The following PRKCE variants were observed in gnomAD, a reference collection of about 807,000 sequenced individuals.
PRKCE encodes protein kinase C epsilon type.
Under a neutral mutation model 85.4 loss-of-function variants are expected in PRKCE, and 16 were observed. The ratio of observed to expected loss-of-function variants is 0.19; its 90% CI spans 0.13 to 0.28. The LOEUF is 0.28. Ranked by LOEUF, PRKCE falls within the 10% of genes least tolerant of loss-of-function variation. PRKCE has a pLI of 1.00. For missense variants in PRKCE, 573 were observed against 975.2 expected (o/e 0.59, Z 5.49); for synonymous variants, 388 against 371.5 (o/e 1.04, Z -0.51).
At chr2:46,087,426 A>G (rs536251731) in intron 11 of PRKCE, among the ~76,000 whole-genome samples, 1 of 152,238 alleles carries the variant, frequency 6.6e-6, no homozygotes, top group South Asian at 2.1e-4. Flanking sequence ...GAATGTGTGA[A>G]CGTTACTGAC....
At chr2:45,657,692 T>G (rs1042131513) in intron 1 of PRKCE, among the ~76,000 whole-genome samples, 1 of 152,202 alleles carries the variant, frequency 6.6e-6, no homozygotes, top group Non-Finnish European at 1.5e-5. Context: ...CATTTCTGGT[T>G]TGTATTTCCC....
At chr2:45,830,499 GTAAGAGACA>G (rs1432321145) in intron 1 of PRKCE, among the ~76,000 whole-genome samples, 4 of 152,214 alleles carry the variant, frequency 2.6e-5, no homozygotes, top group African/African-American at 9.7e-5. Context: ...GTATCACATA[GTAAGAGACA>G]TAAGGATCAT....
intron 10 of PRKCE, among the ~76,000 whole-genome samples, chr2:46,025,380 G>A (rs1034479750): frequency 1.4e-4 from 21 of 152,154 alleles, no homozygotes; most frequent in African/African-American, 4.8e-4. Flanking sequence ...TACCTGGTAC[G>A]GTATGTCTTC....
At chr2:45,892,696 A>C (rs1484140165) in intron 2 of PRKCE, among the ~76,000 whole-genome samples, 1 of 152,212 alleles carries the variant, frequency 6.6e-6, no homozygotes, top group Non-Finnish European at 1.5e-5. Context: ...CGTTTGCCAG[A>C]GACTCAAGAA....
chr2:45,974,475 C>T (rs183634500), intron 2 of PRKCE, among the ~76,000 whole-genome samples: 3 of 152,162 alleles, frequency 2.0e-5, no homozygotes, highest in Non-Finnish European at 2.9e-5. Flanking sequence ...GACCTCCACC[C>T]GGGTCATCTG....
At chr2:45,824,730 G>T (rs756364977) in intron 1 of PRKCE, among the ~76,000 whole-genome samples, 7 of 152,128 alleles carry the variant, frequency 4.6e-5, no homozygotes, top group Non-Finnish European at 1.0e-4. Context: ...TGTGACCCAT[G>T]AGCAATTTTC....
intron 11 of PRKCE, among the ~76,000 whole-genome samples, chr2:46,104,695 C>G (rs1671555869): frequency 6.6e-6 from 1 of 152,094 alleles, no homozygotes; most frequent in Middle Eastern, 3.2e-3. Flanking sequence ...GGATATTGTT[C>G]AATATCAAAA....
In PRKCE at chr2:46,138,919, C is replaced by T. The variant is rs1469962966; in HGVS notation, c.1593-6174C>T. Among the ~76,000 whole-genome samples, 4 of 152,190 alleles carry T rather than the reference C, an allele frequency of 2.6e-5. No homozygotes were observed. The East Asian group carries it at 7.7e-4, about 29-fold the overall frequency. On this transcript the variant is annotated intron_variant, in intron 11 of 14. Coordinates refer to ENST00000306156, the MANE Select transcript of PRKCE (RefSeq NM_005400.3). The surrounding 1 kb of genome is among the most constrained non-coding windows in gnomAD (Gnocchi z 4.2). The stretch of plus-strand genomic sequence containing the variant: ...ACTGGACTCAAGGGAAGCTGAAGAG[C>T]CTGGTTCTTATCACCTTCCTATAGC...
chr2:45,723,531 G>C (rs142130564), intron 1 of PRKCE, among the ~76,000 whole-genome samples: 2 of 152,142 alleles, frequency 1.3e-5, no homozygotes, highest in Non-Finnish European at 2.9e-5. Flanking sequence ...ACGATTTACC[G>C]TTCCTTCTGC....
At chr2:45,891,268 C>T (rs1007891066) in intron 2 of PRKCE, among the ~76,000 whole-genome samples, 2 of 152,208 alleles carry the variant, frequency 1.3e-5, no homozygotes, top group Non-Finnish European at 2.9e-5. Flanking sequence ...CAGAAATGTG[C>T]AGCAGTCAGT....
intron 2 of PRKCE, among the ~76,000 whole-genome samples, chr2:45,949,072 A>G (rs1052263908): frequency 6.6e-6 from 1 of 152,218 alleles, no homozygotes; most frequent in East Asian, 1.9e-4. Context: ...ACATCGTTGC[A>G]TGTGTCTCCT....
chr2:46,113,672 T>C (rs1672478568), intron 11 of PRKCE, among the ~76,000 whole-genome samples: 1 of 152,206 alleles, frequency 6.6e-6, no homozygotes, highest in East Asian at 1.9e-4. Context: ...TGGCTTGCAG[T>C]GGGAAGGGGG....
chr2:45,889,635 G>A (rs954790901), intron 2 of PRKCE, among the ~76,000 whole-genome samples: 14 of 152,332 alleles, frequency 9.2e-5, no homozygotes, highest in African/African-American at 3.4e-4. Context: ...CACTAGGTGT[G>A]TTCCCATAGG....
At chr2:45,863,282 T>C (rs1693317380) in intron 2 of PRKCE, among the ~76,000 whole-genome samples, 1 of 152,126 alleles carries the variant, frequency 6.6e-6, no homozygotes, top group African/African-American at 2.4e-5. Flanking sequence ...GTGTTGCCTA[T>C]ATAATGTAGC....
rs537176508 is a variant in PRKCE, at chr2:45,977,145, C to T, written c.572+557C>T. ...CTCCTGGCCTCAAGTGATCCACCCA[C>T]CTCTGCCCCCCAAAGTGCTGGGATT... On this transcript the variant is annotated intron_variant, in intron 3 of 14. Coordinates refer to ENST00000306156, the MANE Select transcript of PRKCE (RefSeq NM_005400.3). Among the ~76,000 whole-genome samples, 60 of 152,246 alleles carry T rather than the reference C, an allele frequency of 3.9e-4. 2 individuals carry two copies. In the South Asian group the frequency reaches 0.012, roughly 31 times the overall value.
chr2:45,865,820 T>C (rs1238237943), intron 2 of PRKCE, among the ~76,000 whole-genome samples: 30 of 137,170 alleles, frequency 2.2e-4, no homozygotes, highest in East Asian at 4.2e-4. Flanking sequence ...TTCTTCTTTT[T>C]TTTTTTTTTT....
intron 1 of PRKCE, among the ~76,000 whole-genome samples, chr2:45,709,065 T>C (rs1679373477): frequency 6.6e-6 from 1 of 152,224 alleles, no homozygotes; most frequent in African/African-American, 2.4e-5. Flanking sequence ...GGATTCAGTC[T>C]GGATGAGACA....
intron 1 of PRKCE, among the ~76,000 whole-genome samples, chr2:45,682,154 C>T (rs938362417): frequency 1.3e-5 from 2 of 152,182 alleles, no homozygotes; most frequent in African/African-American, 4.8e-5. Context: ...CTCTGACATA[C>T]AAACTGCCCA....
chr2:45,695,720 G>T (rs1183486667), intron 1 of PRKCE, among the ~76,000 whole-genome samples: 1 of 152,198 alleles, frequency 6.6e-6, no homozygotes, highest in Non-Finnish European at 1.5e-5. Flanking sequence ...GCAGTGAGCT[G>T]AGATCACGCC....
Sources: allele counts gnomAD v4.1 joint callset (sites outside exome capture counted in the v4.1 genomes callset), GRCh38; gene constraint gnomAD v4.1.1; non-coding constraint Gnocchi (gnomAD v3.1); transcripts MANE v1.5; gene names NCBI Gene and HGNC (gene_info 2026-07-23, HGNC 2026-07-21).